Variants in SORT1 observed in about 807,000 individuals in gnomAD.
SORT1 encodes the protein sortilin 1, also known as sortilin.
SORT1 carries 39 observed loss-of-function variants against 101.7 expected under a neutral mutation model. The ratio of observed to expected loss-of-function variants is 0.38; its 90% CI spans 0.30 to 0.50. The LOEUF (loss-of-function observed/expected upper bound fraction) is 0.50, where lower values mean the gene tolerates loss of function less well. SORT1 is among the 20% of genes least tolerant of loss of function. The pLI is 0.90. For missense variants in SORT1, 878 were observed against 1,040.4 expected, an observed-to-expected ratio of 0.84 and a Z score of 2.15; for synonymous variants, 396 against 393.7, an observed-to-expected ratio of 1.01 and a Z score of -0.07.
chr1:109,368,293 CAAAAAAAAAAAAA>C (rs35637507), intron 2 of SORT1, among the ~76,000 whole-genome samples: 2 of 59,440 alleles, frequency 3.4e-5, no homozygotes, highest in Non-Finnish European at 6.6e-5. Context: ...GACTCTGTCT[CAAAAAAAAAAAAA>C]AAAAAAAAAA....
At chr1:109,315,109 G>C (rs1214290411) in intron 17 of SORT1, among the ~76,000 whole-genome samples, 1 of 152,184 alleles carries the variant, frequency 6.6e-6, no homozygotes, top group Non-Finnish European at 1.5e-5. Flanking sequence ...GGGCTTAAGG[G>C]TGGAGTAGGA....
rs1460751856 is a variant in SORT1, at chr1:109,326,568, CACAT to C, written c.1643+420_1643+423del. Among the ~76,000 whole-genome samples, 677 of 146,820 alleles carry C rather than the reference CACAT, an allele frequency of 4.6e-3. 10 individuals carry two copies. Among genetic ancestry groups the C allele is most frequent in the African/African-American group, 0.016 (646 of 39,796 alleles). On this transcript the variant is annotated intron_variant, in intron 13 of 19. Transcript: ENST00000256637. ...ATATACACATATATATACACACACA[CACAT>C]ACATATATACACACACACATATATA...
intron 3 of SORT1, among the ~76,000 whole-genome samples, chr1:109,360,768 G>C (rs1650668667): frequency 6.6e-6 from 1 of 152,204 alleles, no homozygotes. Context: ...TTGCCAGAAA[G>C]GGGGTAGGCC....
intron 10 of SORT1, among the ~76,000 whole-genome samples, chr1:109,337,320 C>T (rs996196445): frequency 6.6e-6 from 1 of 152,100 alleles, no homozygotes; most frequent in African/African-American, 2.4e-5. Flanking sequence ...AATCTCAGCT[C>T]ACTGCAACCT....
At chr1:109,387,403 G>A (rs2101655189) in intron 1 of SORT1, among the ~76,000 whole-genome samples, 1 of 152,216 alleles carries the variant, frequency 6.6e-6, no homozygotes, top group South Asian at 2.1e-4. Flanking sequence ...TGAGGCAGGA[G>A]GATCACTTGA....
intron 1 of SORT1, among the ~76,000 whole-genome samples, chr1:109,388,730 G>A (rs533247370): frequency 2.0e-5 from 3 of 152,074 alleles, no homozygotes; most frequent in Admixed American, 6.5e-5. Flanking sequence ...ACTAAATCCT[G>A]TACTATCTTC....
intron 11 of SORT1, among the ~76,000 whole-genome samples, chr1:109,335,625 T>C (rs1261175521): frequency 6.6e-6 from 1 of 152,202 alleles, no homozygotes; most frequent in Non-Finnish European, 1.5e-5. Flanking sequence ...CAAGCTCACA[T>C]TCTGTGAGAG....
At chr1:109,315,902 C>T (rs1042359955) in intron 17 of SORT1, among the ~76,000 whole-genome samples, 2 of 151,678 alleles carry the variant, frequency 1.3e-5, no homozygotes, top group Admixed American at 1.3e-4. Context: ...GGACTACAGG[C>T]ACACACCACC....
intron 1 of SORT1, among the ~76,000 whole-genome samples, chr1:109,385,504 A>G (rs993735224): frequency 6.6e-6 from 1 of 152,208 alleles, no homozygotes; most frequent in Non-Finnish European, 1.5e-5. Context: ...TTTGCATTTA[A>G]TTGTTATATC....
intron 16 of SORT1, among the ~76,000 whole-genome samples, chr1:109,317,209 C>T (rs972107394): frequency 2.6e-5 from 4 of 152,028 alleles, no homozygotes; most frequent in African/African-American, 9.7e-5. Flanking sequence ...GAGACTGTGC[C>T]AAAGAAATCT....
chr1:109,392,675 A>G (rs765684815), intron 1 of SORT1: 56 of 984,632 alleles, frequency 5.7e-5, no homozygotes, highest in Middle Eastern at 1.0e-3. Context: ...CTTCAGATGA[A>G]GACTAACCTT....
intron 11 of SORT1, among the ~76,000 whole-genome samples, chr1:109,328,280 T>C (rs1270656999): frequency 6.6e-6 from 1 of 152,240 alleles, no homozygotes; most frequent in African/African-American, 2.4e-5. Context: ...CTGGATATGA[T>C]AATCCTATTT....
chr1:109,365,860 C>T (rs911343071), intron 3 of SORT1, among the ~76,000 whole-genome samples: 2 of 152,184 alleles, frequency 1.3e-5, no homozygotes, highest in Non-Finnish European at 2.9e-5. Context: ...GCTCCATGCC[C>T]AGGAGATGTA....
At position 109,327,035 on chromosome 1, in the gene SORT1, T is replaced by C. The variant is rs1164834928; in HGVS notation, c.1600A>G (p.Ile534Val). Residue 534 changes from isoleucine to valine, a missense_variant, in exon 13 of 20, where the codon ATT becomes GTT. Physicochemically the swap from Ile to Val is conservative, Grantham distance 29. Transcript: ENST00000256637. Reference protein sequence around the residue: ...YYTILDSGGIIVAIEHSSRPI... With the variant: ...YYTILDSGGIVVAIEHSSRPI... Reference sequence around the variant, plus strand: ...CGGCTGCTGTGCTCAATGGCCACAATGATGCCTCCAGAATCCAGGATGGTG... The same window carrying C: ...CGGCTGCTGTGCTCAATGGCCACAACGATGCCTCCAGAATCCAGGATGGTG... 1 of 1,612,750 alleles carries C rather than the reference T, an allele frequency of 6.2e-7. No individual in the cohort carries two copies. The highest frequency in any genetic ancestry group is 8.5e-7 in the Non-Finnish European group (1 of 1,179,984).
intron 1 of SORT1, 95 bp from the exon 2 acceptor site, chr1:109,369,684 A>G: frequency 2.4e-6 from 2 of 840,262 alleles, no homozygotes; most frequent in Non-Finnish European, 4.0e-6. Context: ...TGTTCAGAGT[A>G]ATTAAGTTCA....
intron 15 of SORT1, among the ~76,000 whole-genome samples, chr1:109,320,697 C>A (rs920696037): frequency 3.3e-5 from 5 of 152,214 alleles, no homozygotes; most frequent in African/African-American, 4.8e-5. Flanking sequence ...CCCATGGCAC[C>A]TGGCACCTTC....
Position 109,350,918 on chromosome 1 carries a change from C to T in SORT1, c.782+11G>A. 6.3e-7 allele frequency: 1 copy of T among 1,591,058 alleles called. No homozygotes were observed. Among genetic ancestry groups the T allele is most frequent in the Non-Finnish European group, 8.6e-7 (1 of 1,158,936 alleles). Reference sequence around the variant, plus strand: ...TAGGGCTCTGCACAGATGGAGTCTTCTGTTACTCACCATTTGGCCAAACAT... The same window carrying T: ...TAGGGCTCTGCACAGATGGAGTCTTTTGTTACTCACCATTTGGCCAAACAT... On this transcript the variant is annotated intron_variant, in intron 6 of 19. Transcript: ENST00000256637.
chr1:109,354,298 T>C, intron 5 of SORT1, 69 bp downstream of exon 5: 2 of 1,091,368 alleles, frequency 1.8e-6, no homozygotes, highest in Non-Finnish European at 2.6e-6. Context: ...TCCTAAAGGA[T>C]CCTTCTAAGA....
chr1:109,374,345 G>A (rs1651679393), intron 1 of SORT1, among the ~76,000 whole-genome samples: 1 of 152,054 alleles, frequency 6.6e-6, no homozygotes, highest in Admixed American at 6.5e-5. Context: ...GGCCAAGGTG[G>A]GCGGATCACT....
Sources: gnomAD v4.1 joint callset for allele counts (sites outside exome capture counted in the v4.1 genomes callset) on GRCh38, gnomAD v4.1.1 for gene constraint, MANE v1.5 for transcripts, NCBI Gene and HGNC (gene_info 2026-07-23, HGNC 2026-07-21) for gene names.